BAIAP2: variants seen among roughly 807,000 people sequenced by gnomAD.
The protein encoded by BAIAP2 is BAR/IMD domain containing adaptor protein 2.
A neutral mutation model predicts 63.0 loss-of-function variants in BAIAP2; 18 were observed. The observed-to-expected ratio is 0.29, with a 90% CI of 0.20 to 0.42. The LOEUF (loss-of-function observed/expected upper bound fraction) is 0.42, where lower values mean the gene tolerates loss of function less well. BAIAP2 is among the 10% of genes least tolerant of loss of function. The pLI is 1.00. For missense variants in BAIAP2, 610 were observed against 734.3 expected, an observed-to-expected ratio of 0.83 and a Z score of 1.96; for synonymous variants, 386 against 307.6, an observed-to-expected ratio of 1.25 and a Z score of -2.67.
intron 13 of BAIAP2, among the ~76,000 whole-genome samples, chr17:81,115,459 G>T (rs1036935633): frequency 8.6e-5 from 13 of 151,888 alleles, no homozygotes; most frequent in Non-Finnish European, 1.6e-4. Flanking sequence ...CTGGGAGGTT[G>T]TGGCTGGCCT....
At chr17:81,103,833 G>A (rs973913106) in intron 8 of BAIAP2, 74 bp from the exon 9 acceptor site, 73 of 1,594,460 alleles carry the variant, frequency 4.6e-5, no homozygotes, top group Non-Finnish European at 5.4e-5. Context: ...CTGAGGGGGC[G>A]GAGGGTTCTC....
intron 3 of BAIAP2, among the ~76,000 whole-genome samples, chr17:81,077,099 G>A (rs1395893723): frequency 6.6e-6 from 1 of 152,200 alleles, no homozygotes; most frequent in Admixed American, 6.5e-5. Context: ...TTGGGAATAG[G>A]CCGCTCCACA....
chr17:81,094,075 A>G (rs975815351), intron 6 of BAIAP2, among the ~76,000 whole-genome samples: 12 of 152,110 alleles, frequency 7.9e-5, no homozygotes, highest in Non-Finnish European at 1.3e-4. Context: ...TCCGCAGCTG[A>G]CACAGGGACC....
At position 81,084,923 on chromosome 17, in the gene BAIAP2, G is replaced by A. The variant is rs763173308; in HGVS notation, c.279+30G>A. The A allele has an allele frequency of 3.7e-6, 6 of 1,611,236 alleles. No individual in the cohort carries two copies. In the East Asian group the frequency reaches 1.3e-4, roughly 36 times the overall value. On this transcript the variant is annotated intron_variant, in intron 4 of 13. Transcript: ENST00000428708. ...GTCCACCCCCAGCGTGGCCCTGCGA[G>A]GAGGGGCAGGTGCGACGGGAGAGCT...
intron 6 of BAIAP2, among the ~76,000 whole-genome samples, chr17:81,091,697 C>A (rs756005456): frequency 6.6e-6 from 1 of 152,192 alleles, no homozygotes; most frequent in Non-Finnish European, 1.5e-5. Flanking sequence ...AGGGGGCTGC[C>A]GGACTGCCGG....
At chr17:81,053,637 G>A (rs2049019472) in intron 1 of BAIAP2, 31 bp from the exon 2 acceptor site, 1 of 1,613,098 alleles carries the variant, frequency 6.2e-7, no homozygotes, top group African/African-American at 1.3e-5. Context: ...ACCTCTGCCA[G>A]TAATGCTGTT....
In BAIAP2 at chr17:81,106,790, G is replaced by A. The variant is rs565798463; in HGVS notation, c.1383G>A (p.Lys461=). The A allele has an allele frequency of 1.4e-5, 23 of 1,612,568 alleles. No homozygotes were observed. The highest frequency in any genetic ancestry group is 5.0e-5 in the Admixed American group (3 of 60,012). ...KSSSTGNLLD[K]DDLAIPPPDY... ...GCAGCACGGGCAACCTCCTGGACAAGGACGACCTGGCCATCCCACCCCCCG... is the reference window on the plus strand; with the variant it reads ...GCAGCACGGGCAACCTCCTGGACAAAGACGACCTGGCCATCCCACCCCCCG... Residue 461 remains lysine (K), a synonymous_variant, in exon 12 of 14, where the codon AAG becomes AAA. Transcript: ENST00000428708.
Position 81,082,120 on chromosome 17 carries a change from C to A in BAIAP2, c.218-2712C>A, listed in dbSNP as rs534635179. Among the ~76,000 whole-genome samples, 8 of 152,214 alleles carry A rather than the reference C, an allele frequency of 5.3e-5. 1 individual carries two copies. The South Asian group carries it at 6.2e-4, about 12-fold the overall frequency. ...GATCCAGCATGACCTACCTGTCGTCCCCGTGAGCCCTGTGGTTGTGGCCAG... is the reference window on the plus strand; with the variant it reads ...GATCCAGCATGACCTACCTGTCGTCACCGTGAGCCCTGTGGTTGTGGCCAG... On this transcript the variant is annotated intron_variant, in intron 3 of 13. Transcript: ENST00000428708.
chr17:81,069,176 G>T (rs1052695258), intron 3 of BAIAP2, among the ~76,000 whole-genome samples: 2 of 152,112 alleles, frequency 1.3e-5, no homozygotes, highest in Non-Finnish European at 2.9e-5. Context: ...ACGGGCATTC[G>T]TGACGGTCTC....
At chr17:81,083,029 C>T (rs1568133379) in intron 3 of BAIAP2, 1 of 152,448 alleles carries the variant, frequency 6.6e-6, no homozygotes, top group Non-Finnish European at 1.5e-5. Context: ...AAGAACCCCG[C>T]AGCTCCTGGA....
chr17:81,066,265 G>A (rs967198371), intron 3 of BAIAP2, among the ~76,000 whole-genome samples: 1 of 152,240 alleles, frequency 6.6e-6, no homozygotes, highest in Non-Finnish European at 1.5e-5. Context: ...CCAGCTGCCC[G>A]GCATCCCCAG....
intron 6 of BAIAP2, among the ~76,000 whole-genome samples, chr17:81,092,268 C>A (rs990055085): frequency 6.6e-6 from 1 of 152,230 alleles, no homozygotes; most frequent in African/African-American, 2.4e-5. Flanking sequence ...GTGTGAGGGG[C>A]GGCTTCATGC....
chr17:81,035,179 C>T lies in BAIAP2; in HGVS notation c.-76C>T, dbSNP rs557651408. 334 of 1,274,598 alleles carry T rather than the reference C, an allele frequency of 2.6e-4. 1 individual carries two copies. Among genetic ancestry groups the T allele is most frequent in the Non-Finnish European group, 3.0e-4 (289 of 947,724 alleles). The allele number at this position is 1,274,598 out of a possible 1,614,324, so 79.0% of individuals were successfully genotyped here. ...GTTCGGGTCCGCTTTCGTCTCCGTC[C>T]TGCTGCCGTTACCGCCGCTGCTGCC... On this transcript the variant is annotated 5_prime_UTR_variant, in exon 1 of 14. Coordinates refer to ENST00000428708, the MANE Select transcript of BAIAP2 (RefSeq NM_001144888.2).
At chr17:81,105,951 C>G in intron 10 of BAIAP2, 127 bp from the exon 11 acceptor site, 1 of 765,100 alleles carries the variant, frequency 1.3e-6, no homozygotes, top group Non-Finnish European at 2.2e-6. Context: ...AGCACTGTCT[C>G]TGTTGCTCCA....
rs562605902 is a variant in BAIAP2, at chr17:81,072,921, T to C, written c.218-11911T>C. On this transcript the variant is annotated intron_variant, in intron 3 of 13. Coordinates refer to ENST00000428708, the MANE Select transcript of BAIAP2 (RefSeq NM_001144888.2). ...TGGTCATGAGCCTGCATCTTACTGA[T>C]TTAATCCCGGGTGCCGGGTACAAAC... is the stretch of plus-strand genomic sequence containing the variant. 2.3e-3 allele frequency among the ~76,000 whole-genome samples: 346 copies of C among 152,066 alleles called. 5 individuals carry two copies. Among genetic ancestry groups the C allele is most frequent in the Middle Eastern group, 6.8e-3 (2 of 294 alleles).
At chr17:81,084,995 T>C in intron 4 of BAIAP2, 102 bp downstream of exon 4, 1 of 1,225,706 alleles carries the variant, frequency 8.2e-7, no homozygotes, top group Non-Finnish European at 1.2e-6. Flanking sequence ...GTCCCAGTTG[T>C]CCAGCCACAC....
At chr17:81,111,330 C>T (rs537605348) in intron 13 of BAIAP2, among the ~76,000 whole-genome samples, 58 of 152,382 alleles carry the variant, frequency 3.8e-4, no homozygotes, top group Middle Eastern at 3.4e-3. Flanking sequence ...CCGCCTGACT[C>T]GCAGCGCCAG....
At chr17:81,094,989 C>A (rs1376968509) in intron 6 of BAIAP2, among the ~76,000 whole-genome samples, 4 of 152,264 alleles carry the variant, frequency 2.6e-5, no homozygotes, top group Non-Finnish European at 5.9e-5. Context: ...GCCCCTCCCC[C>A]ACTCTGAGTC....
At chr17:81,085,031 C>T (rs2055327534) in intron 4 of BAIAP2, 138 bp downstream of exon 4, 1 of 859,414 alleles carries the variant, frequency 1.2e-6, no homozygotes, top group Non-Finnish European at 1.9e-6. Context: ...GACCCTGGCT[C>T]AGCACACAAG....
Sources: allele counts gnomAD v4.1 joint callset (sites outside exome capture counted in the v4.1 genomes callset), GRCh38; gene constraint gnomAD v4.1.1; transcripts MANE v1.5; gene names NCBI Gene and HGNC (gene_info 2026-07-23, HGNC 2026-07-21).